ABHD3: variants seen among roughly 807,000 people sequenced by gnomAD.
The protein encoded by ABHD3 is abhydrolase domain containing 3, phospholipase, also known as phospholipase ABHD3.
In ABHD3, 46 loss-of-function variants were observed where a neutral mutation model predicts 48.8. The observed-to-expected ratio is 0.94, with a 90% CI of 0.74 to 1.20. The LOEUF (loss-of-function observed/expected upper bound fraction) is 1.20. Ranked by LOEUF, ABHD3 falls within the 50% of genes most tolerant of loss-of-function variation. The probability of loss-of-function intolerance (pLI) is 0.00; values close to 1 mark genes in which losing one functional copy is unlikely to be tolerated. For missense variants in ABHD3, 490 were observed against 497.8 expected (o/e 0.98, Z 0.15); for synonymous variants, 192 against 183.7 (o/e 1.04, Z -0.36).
chr18:21,704,288 C>A (rs1235626547), intron 1 of ABHD3, among the ~76,000 whole-genome samples: 1 of 152,194 alleles, frequency 6.6e-6, no homozygotes, highest in South Asian at 2.1e-4. Context: ...CGGGTTCAGG[C>A]TGCGCTCCGA....
chr18:21,693,574 G>A (rs1287212411), intron 3 of ABHD3, among the ~76,000 whole-genome samples: 1 of 152,178 alleles, frequency 6.6e-6, no homozygotes, highest in Non-Finnish European at 1.5e-5. Flanking sequence ...GTTTAATTGA[G>A]GTGCCATGTT....
chr18:21,651,328 A>G lies in ABHD3; in HGVS notation c.*263T>C, dbSNP rs2039215950. On this transcript the variant is annotated 3_prime_UTR_variant, in exon 9 of 9. Transcript: ENST00000289119. ...AATAGTTTTGGTTAAGTGCAATTTC[A>G]TGTACATACTACTTTGTTTAAGGAT... 1 of 258,136 alleles carries G rather than the reference A, an allele frequency of 3.9e-6. No homozygotes were observed. The highest frequency in any genetic ancestry group is 7.3e-6 in the Non-Finnish European group (1 of 136,558). 16.0% of individuals were successfully genotyped at this position (258,136 alleles called of 1,614,324 possible). A position where few individuals can be genotyped will look rare whatever the true frequency, so the allele number is the denominator to read the frequency against.
At position 21,664,392 on chromosome 18, in the gene ABHD3, G is replaced by A. The variant is rs111917449; in HGVS notation, c.556-162C>T. 18 of 626,030 alleles carry A rather than the reference G, an allele frequency of 2.9e-5. 1 individual carries two copies. The highest frequency in any genetic ancestry group is 1.2e-4 in the South Asian group (5 of 40,976). The allele number at this position is 626,030 out of a possible 1,614,324, so 38.8% of individuals were successfully genotyped here. On this transcript the variant is annotated intron_variant, in intron 4 of 8. Coordinates refer to ENST00000289119, the MANE Select transcript of ABHD3 (RefSeq NM_138340.5). ...ATTTATCATTTTCCTGTCTTGCAGCGCACATACATGCCATTTAAAGTCAGC... is the reference window on the plus strand; with the variant it reads ...ATTTATCATTTTCCTGTCTTGCAGCACACATACATGCCATTTAAAGTCAGC...
intron 4 of ABHD3, among the ~76,000 whole-genome samples, chr18:21,675,790 T>TA (rs996749603): frequency 3.3e-5 from 5 of 151,088 alleles, no homozygotes; most frequent in South Asian, 2.1e-4. Context: ...AACCATTATT[T>TA]AAAAAAAAAT....
chr18:21,671,743 T>C (rs1165204153), intron 4 of ABHD3, among the ~76,000 whole-genome samples: 1 of 152,176 alleles, frequency 6.6e-6, no homozygotes, highest in Non-Finnish European at 1.5e-5. Flanking sequence ...CAAGCCAAGG[T>C]TGTTTAAATT....
At chr18:21,680,862 G>GTGTC (rs2039990361) in intron 4 of ABHD3, among the ~76,000 whole-genome samples, 1 of 150,886 alleles carries the variant, frequency 6.6e-6, no homozygotes, top group Non-Finnish European at 1.5e-5. Flanking sequence ...ATGTGTGTGT[G>GTGTC]TGTGTGTGTG....
intron 5 of ABHD3, among the ~76,000 whole-genome samples, chr18:21,660,146 AATTTTTTTT>A (rs2039457684): frequency 6.9e-6 from 1 of 143,944 alleles, no homozygotes; most frequent in African/African-American, 2.8e-5. Context: ...AAAAAAAAAA[AATTTTTTTT>A]TTTTTTTTGT....
intron 8 of ABHD3, among the ~76,000 whole-genome samples, chr18:21,654,159 A>C (rs934195778): frequency 3.9e-5 from 6 of 152,034 alleles, no homozygotes; most frequent in South Asian, 2.1e-4. Context: ...GCCTGACTGC[A>C]GTAAACTATG....
chr18:21,698,682 T>C (rs927180754), intron 3 of ABHD3, among the ~76,000 whole-genome samples: 1 of 151,928 alleles, frequency 6.6e-6, no homozygotes, highest in African/African-American at 2.4e-5. Context: ...GTTCAAGCAG[T>C]TCTTCTGCCT....
chr18:21,654,022 T>G (rs1413169149), intron 8 of ABHD3, among the ~76,000 whole-genome samples: 1 of 151,558 alleles, frequency 6.6e-6, no homozygotes, highest in East Asian at 1.9e-4. Flanking sequence ...ATTTTGTATT[T>G]TTTTTTTTTA....
intron 3 of ABHD3, among the ~76,000 whole-genome samples, chr18:21,696,289 AC>A: frequency 6.6e-6 from 1 of 152,032 alleles, no homozygotes; most frequent in Non-Finnish European, 1.5e-5. Context: ...GACTACAGGC[AC>A]CTGCCAACAC....
At chr18:21,690,781 G>T (rs1213391169) in intron 3 of ABHD3, among the ~76,000 whole-genome samples, 5 of 151,574 alleles carry the variant, frequency 3.3e-5, no homozygotes, top group Admixed American at 6.6e-5. Context: ...GATCACCTGA[G>T]GTCAGGAGTT....
intron 3 of ABHD3, among the ~76,000 whole-genome samples, chr18:21,687,097 C>T (rs1050088043): frequency 8.7e-5 from 13 of 150,288 alleles, no homozygotes; most frequent in South Asian, 2.1e-4. Flanking sequence ...TTTGTAGAGA[C>T]GGGGTCTCCC....
At position 21,656,898 on chromosome 18, in the gene ABHD3, A is replaced by G; in HGVS notation, c.1020T>C (p.Cys340=). The G allele has an allele frequency of 6.2e-7, 1 of 1,611,350 alleles. No individual in the cohort carries two copies. Among genetic ancestry groups the G allele is most frequent in the Non-Finnish European group, 8.5e-7 (1 of 1,178,056 alleles). Reference sequence around the variant, plus strand: ...AGAAAACATCATCCACAGAATTTAGACACAATACTGGAATTCCTACTGACT... The same window carrying G: ...AGAAAACATCATCCACAGAATTTAGGCACAATACTGGAATTCCTACTGACT... ...RLKSVGIPVL[C]LNSVDDVFSP... Residue 340 remains cysteine (C), a synonymous_variant, in exon 8 of 9, where the codon TGT becomes TGC. Coordinates refer to ENST00000289119, the MANE Select transcript of ABHD3 (RefSeq NM_138340.5).
At chr18:21,675,216 G>A (rs2039850322) in intron 4 of ABHD3, among the ~76,000 whole-genome samples, 1 of 147,760 alleles carries the variant, frequency 6.8e-6, no homozygotes, top group Non-Finnish European at 1.5e-5. Flanking sequence ...ACTTCTGATT[G>A]TCACCCCACT....
chr18:21,694,633 A>C (rs1317065342), intron 3 of ABHD3, among the ~76,000 whole-genome samples: 1 of 152,198 alleles, frequency 6.6e-6, no homozygotes, highest in Non-Finnish European at 1.5e-5. Context: ...CAATCTTGCA[A>C]AAATCCCTCG....
At chr18:21,703,224 C>T (rs189139405) in intron 2 of ABHD3, among the ~76,000 whole-genome samples, 6 of 129,442 alleles carry the variant, frequency 4.6e-5, no homozygotes, top group Non-Finnish European at 8.3e-5. Flanking sequence ...CCCCACCCCC[C>T]CCCCCAGTAT....
At chr18:21,670,506 T>G (rs1337798779) in intron 4 of ABHD3, among the ~76,000 whole-genome samples, 2 of 152,218 alleles carry the variant, frequency 1.3e-5, no homozygotes, top group African/African-American at 4.8e-5. Context: ...CCTACTGAAT[T>G]AAGCCTCTGC....
At chr18:21,702,638 T>C (rs2040539154) in intron 2 of ABHD3, 140 bp from the exon 3 acceptor site, 1 of 664,530 alleles carries the variant, frequency 1.5e-6, no homozygotes, top group African/African-American at 1.9e-5. Context: ...CATATCTCGA[T>C]CTACATATCA....
Sources: allele counts gnomAD v4.1 joint callset (sites outside exome capture counted in the v4.1 genomes callset), GRCh38; gene constraint gnomAD v4.1.1; transcripts MANE v1.5; gene names NCBI Gene and HGNC (gene_info 2026-07-23, HGNC 2026-07-21).